OR7E24: variants seen among roughly 807,000 people sequenced by gnomAD.
OR7E24 encodes the protein olfactory receptor 7E24.
For missense variants in OR7E24, 385 were observed against 410.3 expected (o/e 0.94, Z 0.53); for synonymous variants, 130 against 157.5 (o/e 0.83, Z 1.31).
the OR7E24 span, among the ~76,000 whole-genome samples, chr19:9,227,699 T>G: frequency 3.9e-5 from 6 of 152,018 alleles, no homozygotes; most frequent in Admixed American, 2.0e-4. Context: ...ATGATATATA[T>G]TCCTCTGGGT....
At chr19:9,215,447 T>C in the OR7E24 span, among the ~76,000 whole-genome samples, 1 of 152,158 alleles carries the variant, frequency 6.6e-6, no homozygotes, top group South Asian at 2.1e-4. Flanking sequence ...TTGGTGTGAA[T>C]CTTCCAAAAT....
rs749734439 is a variant in OR7E24, at chr19:9,251,276, A to C, written c.233A>C (p.Tyr78Ser). 6.2e-7 allele frequency: 1 copy of C among 1,613,874 alleles called. No individual in the cohort carries two copies. Among genetic ancestry groups the C allele is most frequent in the Non-Finnish European group, 8.5e-7 (1 of 1,179,962 alleles). Residue 78 changes from tyrosine to serine, a missense_variant, in exon 1 of 1, where the codon TAC becomes TCC. Transcript: ENST00000456448. ...SSDSHLHTPMYFFLSNLSLAD... is the reference protein window; with the variant it reads ...SSDSHLHTPMSFFLSNLSLAD... ...GACTCCCACCTCCACACCCCCATGTACTTCTTCCTCTCCAACCTGTCCTTG... is the reference window on the plus strand; with the variant it reads ...GACTCCCACCTCCACACCCCCATGTCCTTCTTCCTCTCCAACCTGTCCTTG...
At chr19:9,214,562 G>T in the OR7E24 span, 1 of 1,614,170 alleles carries the variant, frequency 6.2e-7, no homozygotes, top group Non-Finnish European at 8.5e-7. Flanking sequence ...CCATGTAGGA[G>T]ATGTCTTTGC....
the OR7E24 span, among the ~76,000 whole-genome samples, chr19:9,226,891 A>AT: frequency 4.6e-5 from 7 of 152,120 alleles, no homozygotes; most frequent in African/African-American, 7.2e-5. Context: ...TCCACCCTTG[A>AT]TTTTTTTTAA....
upstream of OR7E24, among the ~76,000 whole-genome samples, chr19:9,245,863 T>C (rs575598446): frequency 6.6e-6 from 1 of 152,046 alleles, no homozygotes; most frequent in African/African-American, 2.4e-5. Context: ...GCCAAACAAC[T>C]CATTACAAAA....
the OR7E24 span, among the ~76,000 whole-genome samples, chr19:9,232,895 C>T: frequency 1.1e-3 from 163 of 152,252 alleles, no homozygotes; most frequent in African/African-American, 3.8e-3. Context: ...AAAGAAAACA[C>T]AACCTCAGAT....
the OR7E24 span, chr19:9,214,809 G>C: frequency 1.9e-6 from 3 of 1,609,428 alleles, no homozygotes; most frequent in Non-Finnish European, 2.5e-6. Context: ...GAGAAATTTT[G>C]ATAATTCTGT....
the OR7E24 span, among the ~76,000 whole-genome samples, chr19:9,229,534 C>CAA: frequency 2.1e-4 from 25 of 116,418 alleles, no homozygotes; most frequent in African/African-American, 8.6e-4. Flanking sequence ...GATTCTGTCT[C>CAA]AAAAAAAAAA....
At chr19:9,210,958 G>A in the OR7E24 span, 1 of 152,264 alleles carries the variant, frequency 6.6e-6, no homozygotes, top group Non-Finnish European at 1.5e-5. Flanking sequence ...AGGGCGACAT[G>A]TCCATGTGCC....
At chr19:9,231,545 G>T in the OR7E24 span, among the ~76,000 whole-genome samples, 1 of 151,918 alleles carries the variant, frequency 6.6e-6, no homozygotes, top group Admixed American at 6.6e-5. Flanking sequence ...GCGCCACTGC[G>T]CTCCAGCCTA....
chr19:9,223,721 G>A, the OR7E24 span, among the ~76,000 whole-genome samples: 1 of 147,330 alleles, frequency 6.8e-6, no homozygotes, highest in African/African-American at 2.6e-5. Flanking sequence ...GCAAACTCAG[G>A]CATTTTTCTC....
the OR7E24 span, among the ~76,000 whole-genome samples, chr19:9,233,085 C>T: frequency 6.6e-6 from 1 of 152,142 alleles, no homozygotes; most frequent in African/African-American, 2.4e-5. Context: ...GCATTTCATC[C>T]TCCCAGCCTA....
the OR7E24 span, chr19:9,214,098 A>G: frequency 6.2e-7 from 1 of 1,614,210 alleles, no homozygotes; most frequent in East Asian, 2.2e-5. Context: ...CAAGGAGACC[A>G]CACAGAGGTG....
chr19:9,220,682 G>A, the OR7E24 span, among the ~76,000 whole-genome samples: 12 of 152,136 alleles, frequency 7.9e-5, no homozygotes, highest in Middle Eastern at 3.2e-3. Flanking sequence ...ATGGGAGTGC[G>A]ATATCCCTTC....
the OR7E24 span, chr19:9,207,855 A>G: frequency 6.6e-6 from 1 of 151,996 alleles, no homozygotes; most frequent in African/African-American, 2.4e-5. Context: ...ATACTTTGCG[A>G]CCACCTTCTA....
chr19:9,230,891 A>G, the OR7E24 span, among the ~76,000 whole-genome samples: 3 of 152,092 alleles, frequency 2.0e-5, no homozygotes, highest in Non-Finnish European at 4.4e-5. Flanking sequence ...CATGAATTTA[A>G]GAGGAATGCT....
At chr19:9,221,203 G>C in the OR7E24 span, among the ~76,000 whole-genome samples, 1 of 150,708 alleles carries the variant, frequency 6.6e-6, no homozygotes, top group East Asian at 2.0e-4. Context: ...ACCCGGGAGG[G>C]GGAGCTTGCA....
chr19:9,235,003 G>A, the OR7E24 span: 6 of 503,466 alleles, frequency 1.2e-5, no homozygotes, highest in Admixed American at 3.7e-5. Context: ...AACTCCGCAC[G>A]TTTCAAATGG....
At chr19:9,217,844 A>G in the OR7E24 span, among the ~76,000 whole-genome samples, 1 of 152,090 alleles carries the variant, frequency 6.6e-6, no homozygotes. Flanking sequence ...TGGCCGGATC[A>G]TTGTTAATTA....
Sources: gnomAD v4.1 joint callset for allele counts (sites outside exome capture counted in the v4.1 genomes callset) on GRCh38, gnomAD v4.1.1 for gene constraint, MANE v1.5 for transcripts, NCBI Gene and HGNC (gene_info 2026-07-23, HGNC 2026-07-21) for gene names.